The following CNOT1 variants were observed in gnomAD, a reference collection of about 807,000 sequenced individuals.
The protein encoded by CNOT1 is CCR4-associated factor 1.
CNOT1 carries 15 observed loss-of-function variants against 273.8 expected under a neutral mutation model. The observed-to-expected ratio is 0.05, with a 90% CI of 0.04 to 0.08. The LOEUF (loss-of-function observed/expected upper bound fraction) is 0.08. Among genes scored for constraint, CNOT1 ranks in the 10% least tolerant of loss-of-function variants. CNOT1 has a pLI of 1.00. For missense variants in CNOT1, 1,644 were observed against 2,912.2 expected (o/e 0.56, Z 10.02); for synonymous variants, 1,022 against 1,005.5 (o/e 1.02, Z -0.31).
At chr16:58,620,185 T>C (rs780924208) in intron 1 of CNOT1, among the ~76,000 whole-genome samples, 15 of 152,172 alleles carry the variant, frequency 9.9e-5, no homozygotes, top group Non-Finnish European at 2.1e-4. Context: ...TTACTCACTA[T>C]GGGACAGAAA....
intron 2 of CNOT1, among the ~76,000 whole-genome samples, chr16:58,596,757 G>A (rs760763058): frequency 8.9e-4 from 135 of 151,856 alleles, no homozygotes; most frequent in Non-Finnish European, 1.6e-3. Flanking sequence ...GTGTGGTGGC[G>A]AGCGACTGTA....
At chr16:58,624,972 G>A (rs968969484) in intron 1 of CNOT1, among the ~76,000 whole-genome samples, 1 of 151,860 alleles carries the variant, frequency 6.6e-6, no homozygotes, top group Admixed American at 6.6e-5. Flanking sequence ...TCATAGGCCA[G>A]TATGGTGGCT....
intron 1 of CNOT1, among the ~76,000 whole-genome samples, chr16:58,628,304 T>C (rs1468493684): frequency 2.0e-5 from 3 of 152,234 alleles, no homozygotes; most frequent in Non-Finnish European, 4.4e-5. Context: ...TGCAGTATCC[T>C]AAAACATAAT....
At chr16:58,593,720 C>G (rs564808787) in intron 2 of CNOT1, among the ~76,000 whole-genome samples, 1 of 152,154 alleles carries the variant, frequency 6.6e-6, no homozygotes, top group Middle Eastern at 3.4e-3. Context: ...GAGTGAGACT[C>G]TGTCTCAAAA....
intron 8 of CNOT1, among the ~76,000 whole-genome samples, chr16:58,583,763 T>G (rs2041735285): frequency 2.0e-5 from 3 of 151,994 alleles, no homozygotes; most frequent in Admixed American, 2.0e-4. Flanking sequence ...GATCTCAAAC[T>G]CCTGGCCTCA....
At chr16:58,565,128 T>G (rs1022636327) in intron 16 of CNOT1, among the ~76,000 whole-genome samples, 1 of 152,154 alleles carries the variant, frequency 6.6e-6, no homozygotes, top group Admixed American at 6.5e-5. Context: ...ACATGTTTTC[T>G]TCTTTTTTTG....
chr16:58,550,859 G>T (rs2040428346), intron 24 of CNOT1, among the ~76,000 whole-genome samples: 1 of 152,116 alleles, frequency 6.6e-6, no homozygotes, highest in African/African-American at 2.4e-5. Flanking sequence ...GTCTCTGGGA[G>T]AAAATGAGGT....
chr16:58,526,533 A>G (rs2039588262), intron 44 of CNOT1, among the ~76,000 whole-genome samples: 1 of 150,864 alleles, frequency 6.6e-6, no homozygotes, highest in Admixed American at 6.6e-5. Context: ...AAAAAAAAAA[A>G]AAAATTGAAG....
At position 58,543,097 on chromosome 16, in the gene CNOT1, A is replaced by G. The variant is rs13332487; in HGVS notation, c.4434+510T>C. The G allele has an allele frequency of 7.2e-4, 907 of 1,251,852 alleles. 4 individuals carry two copies. In the African/African-American group the frequency reaches 0.013, roughly 17 times the overall value. 77.5% of individuals were successfully genotyped at this position (1,251,852 alleles called of 1,614,324 possible). On this transcript the variant is annotated intron_variant, in intron 31 of 48. Coordinates refer to ENST00000317147, the MANE Select transcript of CNOT1 (RefSeq NM_016284.5). ...TACAGAGTGAGACCCTGTCTCATGA[A>G]ACATTAAAAAAAAGGCAAAAAACAA...
Position 58,532,546 on chromosome 16 carries a change from T to C in CNOT1, c.5896-151A>G, listed in dbSNP as rs375359530. On this transcript the variant is annotated intron_variant, in intron 40 of 48. Coordinates refer to ENST00000317147, the MANE Select transcript of CNOT1 (RefSeq NM_016284.5). ...TACAAAATTACATGCTGGCAGCCGA[T>C]AGGGTCATAAATTGGTCTGACTCCG... 7.3e-6 allele frequency: 10 copies of C among 1,367,136 alleles called. No homozygotes were observed. The East Asian group carries it at 1.5e-4, about 21-fold the overall frequency. The allele number at this position is 1,367,136 out of a possible 1,614,324, so 84.7% of individuals were successfully genotyped here.
intron 4 of CNOT1, among the ~76,000 whole-genome samples, 169 bp downstream of exon 4, chr16:58,587,611 A>C (rs1239443416): frequency 6.6e-6 from 1 of 152,204 alleles, no homozygotes; most frequent in Non-Finnish European, 1.5e-5. Context: ...GTAAGATTCT[A>C]TTTATTATTA....
chr16:58,616,263 G>A (rs1227356139), intron 1 of CNOT1, among the ~76,000 whole-genome samples: 4 of 122,600 alleles, frequency 3.3e-5, no homozygotes, highest in East Asian at 2.0e-4. Context: ...CTGCCACCAC[G>A]CCCGGCTAAT....
intron 14 of CNOT1, 33 bp downstream of exon 14, chr16:58,576,430 T>C (rs2041461818): frequency 2.5e-6 from 4 of 1,612,812 alleles, no homozygotes; most frequent in South Asian, 1.1e-5. Flanking sequence ...CATTAGTAAA[T>C]AAACTGGTGT....
chr16:58,573,696 T>C (rs902290477), intron 16 of CNOT1, among the ~76,000 whole-genome samples: 2 of 151,934 alleles, frequency 1.3e-5, no homozygotes, highest in Non-Finnish European at 2.9e-5. Context: ...TTAGTCAGGA[T>C]GGTCTTGATC....
intron 22 of CNOT1, 90 bp from the exon 23 acceptor site, chr16:58,551,909 C>A (rs2040460909): frequency 4.6e-6 from 7 of 1,526,060 alleles, no homozygotes; most frequent in Non-Finnish European, 2.7e-6. Context: ...AAAAACATGT[C>A]TGAGTGCTCT....
At chr16:58,556,058 A>C in intron 19 of CNOT1, 150 bp from the exon 20 acceptor site, 2 of 1,397,862 alleles carry the variant, frequency 1.4e-6, no homozygotes, top group East Asian at 4.9e-5. Context: ...TTTCAGTATT[A>C]ATGTGTGCTA....
chr16:58,565,366 C>T (rs142781031), intron 16 of CNOT1, among the ~76,000 whole-genome samples: 1 of 152,284 alleles, frequency 6.6e-6, no homozygotes, highest in African/African-American at 2.4e-5. Context: ...TTGCCCACCT[C>T]AGCCTCCTAA....
intron 20 of CNOT1, 22 bp from the exon 21 acceptor site, chr16:58,555,559 A>G (rs1307235759): frequency 6.2e-7 from 1 of 1,606,036 alleles, no homozygotes; most frequent in African/African-American, 1.3e-5. Context: ...AGACAAAAAC[A>G]ACGCACACAT....
intron 1 of CNOT1, among the ~76,000 whole-genome samples, chr16:58,602,707 G>A (rs1415330007): frequency 2.0e-5 from 3 of 151,366 alleles, no homozygotes; most frequent in Non-Finnish European, 4.4e-5. Context: ...CTCCAGCCTG[G>A]GCAACAGAGT....
Sources: allele counts gnomAD v4.1 joint callset (sites outside exome capture counted in the v4.1 genomes callset), GRCh38; gene constraint gnomAD v4.1.1; transcripts MANE v1.5; gene names NCBI Gene and HGNC (gene_info 2026-07-23, HGNC 2026-07-21).